CLOCK: variants seen among roughly 807,000 people sequenced by gnomAD.
CLOCK encodes the protein clock circadian regulator, also known as circadian locomoter output cycles protein kaput.
In CLOCK, 43 loss-of-function variants were observed where a neutral mutation model predicts 118.4. The ratio of observed to expected loss-of-function variants is 0.36; its 90% CI spans 0.28 to 0.47. The LOEUF is 0.47. Ranked by LOEUF, CLOCK falls within the 20% of genes least tolerant of loss-of-function variation. CLOCK has a pLI of 1.00. For missense variants in CLOCK, 846 were observed against 999.9 expected (o/e 0.85, Z 2.08); for synonymous variants, 326 against 339.2 (o/e 0.96, Z 0.43).
At chr4:55,544,240 AAAAG>A (rs1175316464) in intron 1 of CLOCK, among the ~76,000 whole-genome samples, 2 of 152,086 alleles carry the variant, frequency 1.3e-5, no homozygotes, top group African/African-American at 2.4e-5. Flanking sequence ...TGATTTCCTC[AAAAG>A]AAAGAAAAGT....
intron 1 of CLOCK, among the ~76,000 whole-genome samples, chr4:55,522,465 TAAAC>T (rs1466628502): frequency 2.1e-5 from 3 of 146,302 alleles, no homozygotes; most frequent in Non-Finnish European, 4.5e-5. Context: ...GAAAAAAAGA[TAAAC>T]AAAAGATGCC....
At position 55,494,263 on chromosome 4, in the gene CLOCK, G is replaced by T. The variant is rs539888111; in HGVS notation, c.-135-4798C>A. On this transcript the variant is annotated intron_variant, in intron 2 of 22. Coordinates refer to ENST00000513440, the MANE Select transcript of CLOCK (RefSeq NM_004898.4). ...GCCTTCATCCTGACACCAGCAGGAA[G>T]AAAGAGGGAGCCCTGTGGTAGGCAG... Among the ~76,000 whole-genome samples the T allele has an allele frequency of 5.6e-4, 86 of 152,272 alleles. 1 individual carries two copies. In the South Asian group the frequency reaches 0.018, roughly 31 times the overall value.
intron 2 of CLOCK, among the ~76,000 whole-genome samples, chr4:55,500,777 C>T (rs1728382030): frequency 6.6e-6 from 1 of 152,194 alleles, no homozygotes; most frequent in African/African-American, 2.4e-5. Flanking sequence ...TATCTAGAAT[C>T]ATTATTTCAT....
chr4:55,472,009 T>A (rs1346506743), intron 7 of CLOCK, among the ~76,000 whole-genome samples: 1 of 152,124 alleles, frequency 6.6e-6, no homozygotes, highest in East Asian at 1.9e-4. Context: ...AAGTTGAGGC[T>A]GCAATGAGCC....
At chr4:55,536,482 G>C (rs1017183734) in intron 1 of CLOCK, among the ~76,000 whole-genome samples, 2 of 152,110 alleles carry the variant, frequency 1.3e-5, no homozygotes, top group Admixed American at 6.5e-5. Flanking sequence ...GTTCACACAA[G>C]ATCTGGTTGT....
In CLOCK at chr4:55,435,494, T is replaced by A; in HGVS notation, c.2462A>T (p.His821Leu). ...GAGTTGCTGCTGTTGCTGAGACTGA[T>A]GTTGCTGGTGATGTGACTGAGGGAA... is the stretch of plus-strand genomic sequence containing the variant. ...STFPQSHHQQ[H>L]QSQQQQQLSR... is the part of the protein sequence containing the mutation. The change falls in exon 23 of 23, where the codon CAT becomes CTT. Residue 821 changes from histidine (H) to leucine (L), a missense_variant. Transcript: ENST00000513440. 6.2e-7 allele frequency: 1 copy of A among 1,614,068 alleles called. No individual in the cohort carries two copies. The highest frequency in any genetic ancestry group is 8.5e-7 in the Non-Finnish European group (1 of 1,179,950).
intron 2 of CLOCK, among the ~76,000 whole-genome samples, chr4:55,496,766 C>A (rs562358561): frequency 6.6e-6 from 1 of 152,140 alleles, no homozygotes; most frequent in Admixed American, 6.5e-5. Flanking sequence ...TTACTGTACA[C>A]AGACTCCTTA....
At position 55,433,304 on chromosome 4, in the gene CLOCK, C is replaced by G. The variant is rs1441864122; in HGVS notation, c.*2111G>C. ...GAAGAGCTCCTTGATATGTTAATTA[C>G]TGATTGATATCTAGTCACACTTCTT... On this transcript the variant is annotated 3_prime_UTR_variant, in exon 23 of 23. Coordinates refer to ENST00000513440, the MANE Select transcript of CLOCK (RefSeq NM_004898.4). 1 of 152,584 alleles carries G rather than the reference C, an allele frequency of 6.6e-6. No individual in the cohort carries two copies. The highest frequency in any genetic ancestry group is 1.5e-5 in the Non-Finnish European group (1 of 68,018). 9.5% of individuals were successfully genotyped at this position (152,584 alleles called of 1,614,324 possible).
chr4:55,459,178 A>C lies in CLOCK; in HGVS notation c.643T>G (p.Phe215Val). The C allele has an allele frequency of 6.2e-7, 1 of 1,606,794 alleles. No individual in the cohort carries two copies. Among genetic ancestry groups the C allele is most frequent in the Non-Finnish European group, 8.5e-7 (1 of 1,173,446 alleles). Residue 215 changes from phenylalanine to valine, a missense_variant, in exon 10 of 23, where the codon TTT (phenylalanine) becomes GTT (valine). Phe to Val is a conservative substitution (Grantham distance 50). Coordinates refer to ENST00000513440, the MANE Select transcript of CLOCK (RefSeq NM_004898.4). ...TTTAAAGATTTGAAATTTCCTATAAATTTTACATATTCATAGGTAGATGGC... is the reference window on the plus strand; with the variant it reads ...TTTAAAGATTTGAAATTTCCTATAACTTTTACATATTCATAGGTAGATGGC... ...KEPSTYEYVKFIGNFKSLNSV... is the reference protein window; with the variant it reads ...KEPSTYEYVKVIGNFKSLNSV...
At chr4:55,442,213 C>T in intron 21 of CLOCK, 2 of 546,078 alleles carry the variant, frequency 3.7e-6, no homozygotes, top group South Asian at 4.5e-5. Flanking sequence ...TATTTTGTAG[C>T]ATATTTTTGG....
intron 8 of CLOCK, among the ~76,000 whole-genome samples, chr4:55,467,817 T>C (rs749718853): frequency 1.3e-5 from 2 of 152,182 alleles, no homozygotes; most frequent in Non-Finnish European, 2.9e-5. Flanking sequence ...CTCTCAAACA[T>C]GTTTTTAAAT....
chr4:55,471,143 G>A (rs1192500275), intron 7 of CLOCK, among the ~76,000 whole-genome samples: 1 of 152,130 alleles, frequency 6.6e-6, no homozygotes, highest in African/African-American at 2.4e-5. Context: ...TGTCTCCAAA[G>A]CATACAAGAC....
intron 9 of CLOCK, among the ~76,000 whole-genome samples, chr4:55,460,540 G>A (rs4580704): frequency 6.6e-6 from 1 of 152,046 alleles, no homozygotes; most frequent in Admixed American, 6.6e-5. Flanking sequence ...AATCTGTCAT[G>A]AAGACCTGCT....
chr4:55,462,559 A>G (rs1194512117), intron 9 of CLOCK, among the ~76,000 whole-genome samples: 1 of 152,178 alleles, frequency 6.6e-6, no homozygotes, highest in Non-Finnish European at 1.5e-5. Context: ...GATTACAGGC[A>G]TGAGCTACCG....
chr4:55,442,302 T>G, intron 21 of CLOCK, 130 bp downstream of exon 21: 1 of 798,586 alleles, frequency 1.3e-6, no homozygotes, highest in Non-Finnish European at 2.1e-6. Flanking sequence ...TTATTTCAAA[T>G]TTAAGAACAT....
At chr4:55,447,989 T>TA (rs1398857505) in intron 18 of CLOCK, among the ~76,000 whole-genome samples, 1 of 151,648 alleles carries the variant, frequency 6.6e-6, no homozygotes, top group Non-Finnish European at 1.5e-5. Context: ...CTCTTGGAAT[T>TA]ACTCCCCCTT....
rs1488292906 is a variant in CLOCK at position 55,443,822 on chromosome 4, G to C, written c.1767C>G (p.Ile589Met). 6.2e-7 allele frequency: 1 copy of C among 1,614,008 alleles called. No homozygotes were observed. The change falls in exon 20 of 23, where the codon ATC (isoleucine) becomes ATG (methionine). Residue 589 changes from isoleucine to methionine, a missense_variant. By Grantham distance (10) the Ile-to-Met change is conservative. Around this residue, in one of 4 missense-constraint regions of CLOCK, gnomAD observed 520 missense variants for 558.0 expected, o/e 0.93. Transcript: ENST00000513440. Reference protein sequence around the residue: ...VQLSSGNSSNIQQLAPINMQG... With the variant: ...VQLSSGNSSNMQQLAPINMQG... ...GCATATTTATAGGTGCAAGTTGCTG[G>C]ATATTAGATGAATTTCCAGAAGAAA...
intron 2 of CLOCK, among the ~76,000 whole-genome samples, chr4:55,506,145 T>C (rs189616437): frequency 6.6e-6 from 1 of 152,188 alleles, no homozygotes; most frequent in African/African-American, 2.4e-5. Flanking sequence ...TCCAGGGTCA[T>C]GTACTGCATT....
At position 55,455,826 on chromosome 4, in the gene CLOCK, C is replaced by A. The variant is rs1317832297; in HGVS notation, c.982+71G>T. On this transcript the variant is annotated intron_variant, in intron 13 of 22. Transcript: ENST00000513440. ...ATGATTATAAATCTGTGTCTTACTA[C>A]CTATCATTTCAGGACAGGACTTCTG... 8.9e-6 allele frequency: 9 copies of A among 1,013,482 alleles called. No homozygotes were observed. The Admixed American group carries it at 1.5e-4, about 17-fold the overall frequency. The allele number at this position is 1,013,482 out of a possible 1,614,324, so 62.8% of individuals were successfully genotyped here.
Sources: gnomAD v4.1 joint callset for allele counts (sites outside exome capture counted in the v4.1 genomes callset) on GRCh38, gnomAD v4.1.1 for gene constraint, gnomAD v4.1.1 regional missense constraint, MANE v1.5 for transcripts, NCBI Gene and HGNC (gene_info 2026-07-23, HGNC 2026-07-21) for gene names.